Variants in PTBP3 observed in about 807,000 individuals in gnomAD.
The protein encoded by PTBP3 is polypyrimidine tract-binding protein 3.
Under a neutral mutation model 58.7 loss-of-function variants are expected in PTBP3, and 20 were observed. That is an observed-to-expected ratio of 0.34 (90% CI 0.24 to 0.50). The LOEUF is 0.50. Among genes scored for constraint, PTBP3 ranks in the 20% least tolerant of loss-of-function variants. The pLI, the probability that PTBP3 is intolerant of heterozygous loss-of-function variation, is 0.98. For missense variants in PTBP3, 509 were observed against 637.2 expected (o/e 0.80, Z 2.17); for synonymous variants, 185 against 219.8 (o/e 0.84, Z 1.40).
intron 11 of PTBP3, among the ~76,000 whole-genome samples, chr9:112,228,154 T>C (rs1835063086): frequency 6.6e-6 from 1 of 152,178 alleles, no homozygotes; most frequent in Non-Finnish European, 1.5e-5. Flanking sequence ...GTCAAAGCTC[T>C]AGAAATTAAC....
intron 2 of PTBP3, among the ~76,000 whole-genome samples, chr9:112,290,786 G>A (rs557185954): frequency 6.7e-6 from 1 of 149,692 alleles, no homozygotes; most frequent in Non-Finnish European, 1.5e-5. Flanking sequence ...CATATTTCTG[G>A]TAAGAGTATA....
Position 112,234,890 on chromosome 9 carries a change from C to A in PTBP3, c.810G>T (p.Pro270=). ...EPPMAAAFGA[P]GIISSPYAGA... Reference sequence around the variant, plus strand: ...CTGCATATGGTGAAGAAATTATACCCGGTGCACCTAATGGGAAAGAGAAGC... The same window carrying A: ...CTGCATATGGTGAAGAAATTATACCAGGTGCACCTAATGGGAAAGAGAAGC... Residue 270 remains proline, a synonymous_variant, in exon 8 of 14, where the codon CCG becomes CCT. Coordinates refer to ENST00000374257, the MANE Select transcript of PTBP3 (RefSeq NM_001163788.4). 2 of 1,611,566 alleles carry A rather than the reference C, an allele frequency of 1.2e-6. No homozygotes were observed. Among genetic ancestry groups the A allele is most frequent in the Non-Finnish European group, 1.7e-6 (2 of 1,178,310 alleles).
chr9:112,360,525 G>A, the PTBP3 span, among the ~76,000 whole-genome samples: 3 of 152,136 alleles, frequency 2.0e-5, no homozygotes, highest in Non-Finnish European at 2.9e-5. Context: ...AGGGTGAGCT[G>A]TCTTGTGGGT....
intron 2 of PTBP3, among the ~76,000 whole-genome samples, chr9:112,284,947 G>A (rs1319793825): frequency 2.2e-5 from 1 of 45,228 alleles, no homozygotes; most frequent in East Asian, 4.3e-4. Flanking sequence ...CTTTGGACTT[G>A]GGACTTTTGG....
intron 1 of PTBP3, among the ~76,000 whole-genome samples, chr9:112,305,260 CT>C (rs35187927): frequency 0.72 from 93,481 of 129,976 alleles, 33,345 homozygotes; most frequent in East Asian, 0.83. Flanking sequence ...CCTGAAAGGA[CT>C]TTTTTTTTTT....
At chr9:112,249,424 ACAGC>A (rs959939552) in intron 7 of PTBP3, among the ~76,000 whole-genome samples, 5 of 152,188 alleles carry the variant, frequency 3.3e-5, no homozygotes, top group African/African-American at 1.2e-4. Context: ...AAGAGAAAGA[ACAGC>A]CAGTGAAGTA....
intron 1 of PTBP3, among the ~76,000 whole-genome samples, chr9:112,312,795 G>C (rs143651825): frequency 2.6e-5 from 4 of 152,210 alleles, no homozygotes; most frequent in Non-Finnish European, 5.9e-5. Flanking sequence ...TGTAATCCCA[G>C]AACTTTGGGA....
Position 112,333,537 on chromosome 9 carries a change from C to G in PTBP3, c.-119G>C. The G allele has an allele frequency of 6.4e-7, 1 of 1,556,942 alleles. No individual in the cohort carries two copies. Among genetic ancestry groups the G allele is most frequent in the Non-Finnish European group, 8.7e-7 (1 of 1,147,652 alleles). ...ACGGGCTAACCGCGAGCAGAGGAAG[C>G]AGGCGGCGGCAGCAGGGCGGTTCCG... On this transcript the variant is annotated 5_prime_UTR_variant, in exon 1 of 14. Transcript: ENST00000374257.
intron 12 of PTBP3, 30 bp downstream of exon 12, chr9:112,227,381 T>A: frequency 1.3e-6 from 2 of 1,596,286 alleles, no homozygotes; most frequent in Non-Finnish European, 1.7e-6. Context: ...ATTCATCATC[T>A]AAGTGATTAA....
chr9:112,327,470 GA>G (rs1419118898), intron 1 of PTBP3, among the ~76,000 whole-genome samples: 1 of 152,080 alleles, frequency 6.6e-6, no homozygotes, highest in African/African-American at 2.4e-5. Flanking sequence ...TGAGGCAGGA[GA>G]ATCACTTGAA....
chr9:112,362,884 T>C, the PTBP3 span: 4 of 332,986 alleles, frequency 1.2e-5, no homozygotes, highest in Non-Finnish European at 2.3e-5. Flanking sequence ...CCAACATTGG[T>C]TATAGAGAAG....
intron 2 of PTBP3, among the ~76,000 whole-genome samples, chr9:112,287,719 T>G (rs1828206816): frequency 6.6e-6 from 1 of 152,246 alleles, no homozygotes; most frequent in African/African-American, 2.4e-5. Context: ...TAGAATACAA[T>G]GTGCTATGAA....
intron 1 of PTBP3, among the ~76,000 whole-genome samples, chr9:112,332,614 G>A (rs1830420430): frequency 6.6e-6 from 1 of 152,070 alleles, no homozygotes; most frequent in Non-Finnish European, 1.5e-5. Context: ...TAACATAGTT[G>A]TTACTTTAAT....
chr9:112,231,912 AAGAAGAGAAGAGAAGAGAAGAGAAG>A (rs1391742980), intron 9 of PTBP3, among the ~76,000 whole-genome samples, 162 bp downstream of exon 9: 2 of 107,278 alleles, frequency 1.9e-5, no homozygotes, highest in Non-Finnish European at 3.8e-5. Context: ...CTGAAAAGAA[AAGAAGAGAAGAGAAGAGAAGAGAAG>A]AGAAGAGAAG....
intron 7 of PTBP3, among the ~76,000 whole-genome samples, chr9:112,235,361 GA>G (rs1476470287): frequency 6.1e-4 from 93 of 152,290 alleles, no homozygotes; most frequent in East Asian, 9.6e-4. Flanking sequence ...ATTGGAGTAA[GA>G]AGTGATCACA....
At chr9:112,271,472 A>G (rs1827383152) in intron 3 of PTBP3, among the ~76,000 whole-genome samples, 3 of 152,168 alleles carry the variant, frequency 2.0e-5, no homozygotes, top group African/African-American at 7.2e-5. Flanking sequence ...TATGATCCCA[A>G]TACTTTGGGA....
intron 1 of PTBP3, among the ~76,000 whole-genome samples, chr9:112,307,448 T>C (rs1421529875): frequency 6.6e-6 from 1 of 152,108 alleles, no homozygotes; most frequent in Non-Finnish European, 1.5e-5. Context: ...GGAGACCCTG[T>C]CCCAAAATAA....
chr9:112,237,427 T>C (rs911010126), intron 7 of PTBP3, among the ~76,000 whole-genome samples: 2 of 152,132 alleles, frequency 1.3e-5, no homozygotes, highest in Non-Finnish European at 2.9e-5. Flanking sequence ...ACCAAGGCAA[T>C]ACGAATTAAT....
the PTBP3 span, among the ~76,000 whole-genome samples, chr9:112,365,029 G>A: frequency 4.6e-5 from 7 of 152,134 alleles, no homozygotes; most frequent in Admixed American, 2.6e-4. Flanking sequence ...CCACACATAA[G>A]TGAGATCATG....
Sources: gnomAD v4.1 joint callset for allele counts (sites outside exome capture counted in the v4.1 genomes callset) on GRCh38, gnomAD v4.1.1 for gene constraint, MANE v1.5 for transcripts, NCBI Gene and HGNC (gene_info 2026-07-23, HGNC 2026-07-21) for gene names.